Variants in TCF7L2 observed in about 807,000 individuals in gnomAD.
The protein encoded by TCF7L2 is transcription factor 7-like 2.
Under a neutral mutation model 77.9 loss-of-function variants are expected in TCF7L2, and 23 were observed. The observed-to-expected ratio is 0.30, with a 90% confidence interval of 0.21 to 0.42. TCF7L2 has a LOEUF of 0.42. TCF7L2 is among the 10% of genes least tolerant of loss of function. The pLI, the probability that TCF7L2 is intolerant of heterozygous loss-of-function variation, is 1.00. For missense variants in TCF7L2, 654 were observed against 793.1 expected (o/e 0.82, Z 2.11); for synonymous variants, 413 against 340.2 (o/e 1.21, Z -2.36).
Position 112,964,539 on chromosome 10 carries a change from T to A in TCF7L2, c.382-17T>A, listed in dbSNP as rs530510370. ...TGTGACATAAGCAGAACGCTTTGAT[T>A]TGGTTTCTTTCTACAGCTCCATTTT... On this transcript the variant is annotated splice_polypyrimidine_tract_variant and intron_variant, in intron 3 of 13. Transcript: ENST00000627217. 4.3e-6 allele frequency: 7 copies of A among 1,611,822 alleles called. No homozygotes were observed. Among genetic ancestry groups the A allele is most frequent in the Non-Finnish European group, 5.9e-6 (7 of 1,178,324 alleles).
At chr10:113,052,009 C>T (rs1450435667) in intron 5 of TCF7L2, among the ~76,000 whole-genome samples, 2 of 152,146 alleles carry the variant, frequency 1.3e-5, no homozygotes, top group Non-Finnish European at 2.9e-5. Flanking sequence ...ACTTGTATTA[C>T]TAGAAGCATT....
At chr10:113,134,209 C>T (rs2067044249) in intron 5 of TCF7L2, among the ~76,000 whole-genome samples, 1 of 152,200 alleles carries the variant, frequency 6.6e-6, no homozygotes, top group South Asian at 2.1e-4. Context: ...TGGGTCCTGG[C>T]TAGCTGCGAG....
intron 11 of TCF7L2, 100 bp from the exon 12 acceptor site, chr10:113,157,921 T>G (rs1373761534): frequency 8.1e-7 from 1 of 1,234,216 alleles, no homozygotes; most frequent in Non-Finnish European, 1.2e-6. Context: ...GAGATGGCAG[T>G]ATGGTCACTT....
intron 12 of TCF7L2, among the ~76,000 whole-genome samples, chr10:113,159,366 C>T (rs2072644388): frequency 6.6e-6 from 1 of 151,978 alleles, no homozygotes; most frequent in Non-Finnish European, 1.5e-5. Flanking sequence ...CTGCAATATC[C>T]CAGTACCACA....
At chr10:113,147,433 A>G (rs2069704301) in intron 8 of TCF7L2, among the ~76,000 whole-genome samples, 1 of 152,250 alleles carries the variant, frequency 6.6e-6, no homozygotes, top group Non-Finnish European at 1.5e-5. Context: ...TGCCGTGGAT[A>G]TCATAGTTGA....
chr10:113,018,765 G>A (rs971910971), intron 4 of TCF7L2, among the ~76,000 whole-genome samples: 3 of 152,154 alleles, frequency 2.0e-5, no homozygotes, highest in African/African-American at 7.2e-5. Context: ...ACTGCACCTG[G>A]CCTCTCTCCT....
chr10:113,029,740 T>G (rs973610888), intron 4 of TCF7L2, among the ~76,000 whole-genome samples: 1 of 152,076 alleles, frequency 6.6e-6, no homozygotes, highest in African/African-American at 2.4e-5. Context: ...TTGGTCAGTC[T>G]GGTCACACAA....
At chr10:113,155,253 G>A (rs2137269765) in intron 11 of TCF7L2, among the ~76,000 whole-genome samples, 1 of 152,246 alleles carries the variant, frequency 6.6e-6, no homozygotes, top group South Asian at 2.1e-4. Flanking sequence ...ATAGTAATAT[G>A]TAACCCCTGG....
intron 5 of TCF7L2, among the ~76,000 whole-genome samples, chr10:113,139,811 TAAAAA>T (rs34407643): frequency 8.0e-5 from 11 of 138,348 alleles, no homozygotes; most frequent in Non-Finnish European, 1.1e-4. Flanking sequence ...CTCACCCATT[TAAAAA>T]AAAAAAAAAA....
At chr10:113,159,948 G>T in intron 12 of TCF7L2, 1 of 1,603,360 alleles carries the variant, frequency 6.2e-7, no homozygotes, top group Non-Finnish European at 8.5e-7. Flanking sequence ...AATGCCGAGC[G>T]CGCTTTGGCC....
rs2031293496 is a variant in TCF7L2, at chr10:112,951,564, G to A, written c.338G>A (p.Ser113Asn). The A allele has an allele frequency of 1.4e-6, 2 of 1,391,706 alleles. No individual in the cohort carries two copies. Among genetic ancestry groups the A allele is most frequent in the Non-Finnish European group, 1.9e-6 (2 of 1,045,960 alleles). The allele number at this position is 1,391,706 out of a possible 1,614,324, so 86.2% of individuals were successfully genotyped here. ...TTCATCATGATCCCCGACCTGACGAGCCCCTACCTCCCCAACGGATCGCTC... is the reference window on the plus strand; with the variant it reads ...TTCATCATGATCCCCGACCTGACGAACCCCTACCTCCCCAACGGATCGCTC... Residue 113 changes from serine (S) to asparagine (N), a missense_variant, in exon 3 of 14, where the codon AGC becomes AAC. Around this residue, in one of 6 missense-constraint regions of TCF7L2, gnomAD observed 132 missense variants for 123.7 expected, o/e 1.07. Transcript: ENST00000627217.
At chr10:113,026,310 C>T (rs2049154629) in intron 4 of TCF7L2, among the ~76,000 whole-genome samples, 1 of 152,116 alleles carries the variant, frequency 6.6e-6, no homozygotes, top group Non-Finnish European at 1.5e-5. Context: ...CACCACCATG[C>T]CTGGCTAATT....
At chr10:113,161,786 G>A (rs2073203894) in intron 13 of TCF7L2, among the ~76,000 whole-genome samples, 1 of 152,160 alleles carries the variant, frequency 6.6e-6, no homozygotes, top group Non-Finnish European at 1.5e-5. Flanking sequence ...GCCAATACGA[G>A]AGATCGGTGA....
intron 4 of TCF7L2, among the ~76,000 whole-genome samples, chr10:113,006,318 A>G (rs978127671): frequency 5.3e-5 from 8 of 152,154 alleles, no homozygotes; most frequent in Non-Finnish European, 1.2e-4. Flanking sequence ...TTTCCAGCCC[A>G]TTCTGCAGGG....
At chr10:113,112,419 A>G (rs2063251040) in intron 5 of TCF7L2, among the ~76,000 whole-genome samples, 1 of 152,160 alleles carries the variant, frequency 6.6e-6, no homozygotes, top group African/African-American at 2.4e-5. Flanking sequence ...GCAGAGGTGA[A>G]ATCACCACCC....
At chr10:113,001,149 G>T (rs1371334645) in intron 4 of TCF7L2, among the ~76,000 whole-genome samples, 1 of 152,216 alleles carries the variant, frequency 6.6e-6, no homozygotes, top group African/African-American at 2.4e-5. Flanking sequence ...GAGGGCAGGA[G>T]AGTGACAGGC....
At chr10:113,044,137 G>A (rs146773524) in intron 5 of TCF7L2, among the ~76,000 whole-genome samples, 27 of 152,286 alleles carry the variant, frequency 1.8e-4, no homozygotes, top group South Asian at 1.2e-3. Flanking sequence ...GCATGGAGGT[G>A]TGGGATAAGA....
In TCF7L2 at chr10:113,137,999, A is replaced by G. The variant is rs553202127; in HGVS notation, c.553-3185A>G. Among the ~76,000 whole-genome samples the G allele has an allele frequency of 7.9e-5, 12 of 152,346 alleles. No homozygotes were observed. The South Asian group carries it at 1.5e-3, about 18-fold the overall frequency. On this transcript the variant is annotated intron_variant, in intron 5 of 13. Transcript: ENST00000627217. Reference sequence around the variant, plus strand: ...TGTAAGAAGAAAATCCCTCCATCATAGAGGATTCCAGGTAGAGGCAGGTTG... The same window carrying G: ...TGTAAGAAGAAAATCCCTCCATCATGGAGGATTCCAGGTAGAGGCAGGTTG...
intron 4 of TCF7L2, among the ~76,000 whole-genome samples, chr10:112,976,923 T>G (rs116340551): frequency 0.011 from 1,666 of 152,262 alleles, 37 homozygotes; most frequent in African/African-American, 0.038. Flanking sequence ...TATGACCATC[T>G]TCTGATTTTC....
Sources: allele counts gnomAD v4.1 joint callset (sites outside exome capture counted in the v4.1 genomes callset), GRCh38; gene constraint gnomAD v4.1.1; regional missense constraint gnomAD v4.1.1; transcripts MANE v1.5; gene names NCBI Gene and HGNC (gene_info 2026-07-23, HGNC 2026-07-21).